The following ELOVL6 variants were observed in gnomAD, a reference collection of about 807,000 sequenced individuals.
ELOVL6 encodes very long chain fatty acid elongase 6.
Under a neutral mutation model 31.7 loss-of-function variants are expected in ELOVL6, and 8 were observed. The observed-to-expected ratio is 0.25, with a 90% CI of 0.15 to 0.45. ELOVL6 has a LOEUF of 0.45. ELOVL6 is among the 20% of genes least tolerant of loss of function. The probability of loss-of-function intolerance (pLI) is 1.00; values close to 1 mark genes in which losing one functional copy is unlikely to be tolerated. For missense variants in ELOVL6, 126 were observed against 326.4 expected (o/e 0.39, Z 4.73); for synonymous variants, 101 against 117.7 (o/e 0.86, Z 0.92).
chr4:110,195,393 T>C (rs2126283679), intron 1 of ELOVL6, among the ~76,000 whole-genome samples: 1 of 152,248 alleles, frequency 6.6e-6, no homozygotes, highest in African/African-American at 2.4e-5. Flanking sequence ...GTGCTGGGAT[T>C]ACAGGCAGGA....
chr4:110,133,752 A>T (rs543891137), intron 1 of ELOVL6, among the ~76,000 whole-genome samples: 1 of 152,314 alleles, frequency 6.6e-6, no homozygotes, highest in East Asian at 1.9e-4. Context: ...AGAAAAAGTT[A>T]AATTCACCAA....
In ELOVL6 at chr4:110,178,553, TA is replaced by T. The variant is rs112979932; in HGVS notation, c.89+19693del. ...GAGTGACAGAGAGTGAGACTCCATC[TA>T]AAAAAAAAAAAAGGAAAATGGGCCA... On this transcript the variant is annotated intron_variant, in intron 1 of 3. Coordinates refer to ENST00000302274, the MANE Select transcript of ELOVL6 (RefSeq NM_024090.3). Among the ~76,000 whole-genome samples, 1,341 of 137,128 alleles carry T rather than the reference TA, an allele frequency of 9.8e-3. 4 individuals are homozygous for T. The highest frequency in any genetic ancestry group is 0.019 in the African/African-American group (720 of 37,326). The allele number at this position is 137,128 out of a possible 152,430, so 90.0% of individuals were successfully genotyped here. A position where few individuals can be genotyped will look rare whatever the true frequency, so the allele number is the denominator to read the frequency against.
rs561965608 is a variant in ELOVL6, at chr4:110,161,151, G to A, written c.89+37096C>T. On this transcript the variant is annotated intron_variant, in intron 1 of 3. Transcript: ENST00000302274. ...TAAAAGACTGGAAAAAAACACAAACGCCCATGTAATGGATTATATACAGCC... is the reference window on the plus strand; with the variant it reads ...TAAAAGACTGGAAAAAAACACAAACACCCATGTAATGGATTATATACAGCC... Among the ~76,000 whole-genome samples, 125 of 152,128 alleles carry A rather than the reference G, an allele frequency of 8.2e-4. 2 individuals carry two copies. The highest frequency in any genetic ancestry group is 7.0e-3 in the South Asian group (34 of 4,824).
intron 1 of ELOVL6, among the ~76,000 whole-genome samples, chr4:110,133,239 G>C (rs10516560): frequency 0.016 from 2,395 of 152,246 alleles, 54 homozygotes; most frequent in South Asian, 0.096. Context: ...GGACTGATAA[G>C]AAGAGTGTTC....
intron 2 of ELOVL6, among the ~76,000 whole-genome samples, chr4:110,073,067 G>C (rs4698807): frequency 0.57 from 86,899 of 152,060 alleles, 26,555 homozygotes; most frequent in African/African-American, 0.8. Flanking sequence ...TTAAACTCTC[G>C]TACCTATTCT....
intron 1 of ELOVL6, among the ~76,000 whole-genome samples, chr4:110,156,990 A>C (rs561060408): frequency 6.6e-6 from 1 of 152,294 alleles, no homozygotes; most frequent in African/African-American, 2.4e-5. Flanking sequence ...TAGTCACATA[A>C]TTGATTTGTA....
intron 2 of ELOVL6, among the ~76,000 whole-genome samples, chr4:110,084,588 A>ATATATTTTTTTTT (rs1553956261): frequency 3.4e-5 from 1 of 29,660 alleles, no homozygotes; most frequent in African/African-American, 2.2e-4. Flanking sequence ...ATATATATAT[A>ATATATTTTTTTTT]TTTTTTTTTT....
intron 1 of ELOVL6, among the ~76,000 whole-genome samples, chr4:110,170,411 T>C (rs1480702189): frequency 6.6e-6 from 1 of 152,232 alleles, no homozygotes; most frequent in East Asian, 1.9e-4. Context: ...TAAAATTTAT[T>C]TGTAACCTCC....
intron 1 of ELOVL6, among the ~76,000 whole-genome samples, chr4:110,109,908 T>C (rs1275631178): frequency 1.3e-5 from 2 of 152,206 alleles, no homozygotes; most frequent in Non-Finnish European, 2.9e-5. Flanking sequence ...TCATTATGGC[T>C]ACTGTACACA....
chr4:110,094,433 ATATAT>A (rs2126241113), intron 2 of ELOVL6, among the ~76,000 whole-genome samples: 1 of 59,766 alleles, frequency 1.7e-5, no homozygotes, highest in East Asian at 6.7e-4. Flanking sequence ...ATATATATAT[ATATAT>A]ATATAATATA....
At chr4:110,080,740 A>G (rs1755815573) in intron 2 of ELOVL6, among the ~76,000 whole-genome samples, 1 of 152,178 alleles carries the variant, frequency 6.6e-6, no homozygotes, top group Non-Finnish European at 1.5e-5. Context: ...AGTTCTGGCC[A>G]GGGTAATCAG....
At chr4:110,062,591 C>G (rs1341022585) in intron 2 of ELOVL6, among the ~76,000 whole-genome samples, 1 of 152,224 alleles carries the variant, frequency 6.6e-6, no homozygotes, top group East Asian at 1.9e-4. Flanking sequence ...AAGAGGCTTT[C>G]CTTCCTCCCC....
chr4:110,084,167 A>ATGT lies in ELOVL6; in HGVS notation c.221+21329_221+21330insACA, dbSNP rs1756059169. Among the ~76,000 whole-genome samples, 10 of 58,060 alleles carry ATGT rather than the reference A, an allele frequency of 1.7e-4. 1 individual carries two copies. Among genetic ancestry groups the ATGT allele is most frequent in the Admixed American group, 2.0e-4 (1 of 4,944 alleles). The allele number at this position is 58,060 out of a possible 152,430, so 38.1% of individuals were successfully genotyped here. On this transcript the variant is annotated intron_variant, in intron 2 of 3. Coordinates refer to ENST00000302274, the MANE Select transcript of ELOVL6 (RefSeq NM_024090.3). Reference sequence around the variant, plus strand: ...ATATGATATATATAACATATATGTGATATATATGATATATATAACATATAA... The same window carrying ATGT: ...ATATGATATATATAACATATATGTGATGTTATATATGATATATATAACATATAA...
rs562104003 is a variant in ELOVL6, at chr4:110,077,050, C to G, written c.222-17296G>C. 9.2e-5 allele frequency among the ~76,000 whole-genome samples: 14 copies of G among 152,324 alleles called. 1 individual carries two copies. In the East Asian group the frequency reaches 2.7e-3, roughly 29 times the overall value. On this transcript the variant is annotated intron_variant, in intron 2 of 3. Coordinates refer to ENST00000302274, the MANE Select transcript of ELOVL6 (RefSeq NM_024090.3). ...GCGAGGCTGGGAGAGGGGCGCCTGC[C>G]ATTGCTGAGGCTTGAGTAGGTAAAC...
intron 1 of ELOVL6, among the ~76,000 whole-genome samples, chr4:110,142,477 C>G (rs1417262140): frequency 6.6e-6 from 1 of 152,170 alleles, no homozygotes; most frequent in African/African-American, 2.4e-5. Flanking sequence ...TCTCATCTAT[C>G]CCTGTCTAAA....
At chr4:110,181,619 A>G (rs951216911) in intron 1 of ELOVL6, among the ~76,000 whole-genome samples, 3 of 152,124 alleles carry the variant, frequency 2.0e-5, no homozygotes, top group African/African-American at 7.2e-5. Flanking sequence ...GGGTTAACTA[A>G]GATGTAAAAC....
intron 1 of ELOVL6, among the ~76,000 whole-genome samples, chr4:110,143,073 T>A (rs1317958364): frequency 6.6e-6 from 1 of 152,146 alleles, no homozygotes; most frequent in African/African-American, 2.4e-5. Flanking sequence ...ACATAATACA[T>A]GTTGACTTAT....
At chr4:110,112,844 A>T (rs983384402) in intron 1 of ELOVL6, among the ~76,000 whole-genome samples, 4 of 152,142 alleles carry the variant, frequency 2.6e-5, no homozygotes, top group Non-Finnish European at 4.4e-5. Flanking sequence ...ATTGCATTCC[A>T]GCCTGGGCAA....
intron 1 of ELOVL6, among the ~76,000 whole-genome samples, chr4:110,157,772 G>A (rs545958795): frequency 2.0e-5 from 3 of 152,142 alleles, no homozygotes; most frequent in Non-Finnish European, 4.4e-5. Context: ...TATAGTATCT[G>A]CTATGGAAGC....
Sources: allele counts gnomAD v4.1 joint callset (sites outside exome capture counted in the v4.1 genomes callset), GRCh38; gene constraint gnomAD v4.1.1; transcripts MANE v1.5; gene names NCBI Gene and HGNC (gene_info 2026-07-23, HGNC 2026-07-21).